HHIPL1: variants seen among roughly 807,000 people sequenced by gnomAD.
The protein encoded by HHIPL1 is HHIP-like protein 1.
A neutral mutation model predicts 61.8 loss-of-function variants in HHIPL1; 43 were observed. That is an observed-to-expected ratio of 0.70 (90% CI 0.55 to 0.90). The LOEUF (loss-of-function observed/expected upper bound fraction) is 0.90. Among genes scored for constraint, HHIPL1 ranks in the 40% least tolerant of loss-of-function variants. The pLI, the probability that HHIPL1 is intolerant of heterozygous loss-of-function variation, is 0.00. For synonymous variants in HHIPL1, 482 were observed against 515.8 expected (o/e 0.93, Z 0.89); for missense variants, 1,056 against 1,157.7 (o/e 0.91, Z 1.28).
At chr14:99,634,356 G>A in the HHIPL1 span, among the ~76,000 whole-genome samples, 4 of 152,132 alleles carry the variant, frequency 2.6e-5, no homozygotes, top group South Asian at 2.1e-4. Flanking sequence ...CCCCCGTGAC[G>A]GCTCTCATTT....
the HHIPL1 span, among the ~76,000 whole-genome samples, chr14:99,608,346 G>A: frequency 6.4e-4 from 98 of 152,196 alleles, no homozygotes; most frequent in African/African-American, 2.3e-3. Flanking sequence ...CCTAGACTCA[G>A]TATATGCCAA....
the HHIPL1 span, among the ~76,000 whole-genome samples, chr14:99,616,010 A>C: frequency 6.6e-6 from 1 of 152,352 alleles, no homozygotes; most frequent in East Asian, 1.9e-4. Context: ...AAGGAAATCC[A>C]ATCAGGCCAT....
intron 2 of HHIPL1, among the ~76,000 whole-genome samples, 160 bp from the exon 3 acceptor site, chr14:99,656,840 G>A (rs59236290): frequency 0.025 from 54 of 2,178 alleles, 4 homozygotes; most frequent in South Asian, 0.05. Context: ...AGAAAGAAAG[G>A]AAGGAAGGAA....
At chr14:99,659,145 A>T (rs1185747589) in intron 3 of HHIPL1, among the ~76,000 whole-genome samples, 1 of 152,180 alleles carries the variant, frequency 6.6e-6, no homozygotes, top group Non-Finnish European at 1.5e-5. Context: ...CACCTACCTA[A>T]ACGACTGTTG....
In HHIPL1 at chr14:99,675,576, C is replaced by T; in HGVS notation, c.2299C>T (p.His767Tyr). The T allele has an allele frequency of 2.0e-6, 3 of 1,535,834 alleles. No individual in the cohort carries two copies. Among genetic ancestry groups the T allele is most frequent in the Non-Finnish European group, 2.6e-6 (3 of 1,144,898 alleles). Residue 767 changes from histidine (H) to tyrosine (Y), a missense_variant, in exon 9 of 9, where the codon CAC (histidine) becomes TAC (tyrosine). Coordinates refer to ENST00000330710, the MANE Select transcript of HHIPL1 (RefSeq NM_001127258.3). The surrounding 1 kb of genome is among the most constrained non-coding windows in gnomAD (Gnocchi z 5.4). ...HNGVGTHNCE[H>Y]DEDAGVVCSH... is the part of the protein sequence containing the mutation. ...CGGCGTGGGCACCCACAACTGCGAG[C>T]ACGACGAGGATGCGGGCGTCGTGTG...
Position 99,652,335 on chromosome 14 carries a change from C to CG in HHIPL1, c.372dup (p.Leu125AlafsTer8), listed in dbSNP as rs1566807480. ...CTGCCTGGACATGTGGCATAAGTGCCGGGGGCTGTTCCGTCACCTGTCAAC... is the reference window on the plus strand; with the variant it reads ...CTGCCTGGACATGTGGCATAAGTGCCGGGGGGCTGTTCCGTCACCTGTCAAC... On this transcript the variant is annotated frameshift_variant, in exon 2 of 9. Transcript: ENST00000330710. LOFTEE classifies it high-confidence loss of function. 3 of 1,614,028 alleles carry CG rather than the reference C, an allele frequency of 1.9e-6. No individual in the cohort carries two copies. In the African/African-American group the frequency reaches 4.0e-5, roughly 22 times the overall value.
At chr14:99,623,704 A>G in the HHIPL1 span, among the ~76,000 whole-genome samples, 1 of 152,092 alleles carries the variant, frequency 6.6e-6, no homozygotes, top group Non-Finnish European at 1.5e-5. Flanking sequence ...GTGAACCACC[A>G]CACCTGGTCC....
Position 99,675,299 on chromosome 14 carries a change from C to A in HHIPL1, c.2022C>A (p.Arg674=). The A allele has an allele frequency of 7.6e-7, 1 of 1,314,172 alleles. No homozygotes were observed. Among genetic ancestry groups the A allele is most frequent in the Non-Finnish European group, 9.7e-7 (1 of 1,032,494 alleles). 81.4% of individuals were successfully genotyped at this position (1,314,172 alleles called of 1,614,324 possible). A position where few individuals can be genotyped will look rare whatever the true frequency, so the allele number is the denominator to read the frequency against. ...GGGCGTTCCGGGATGGCGAGGTGCG[C>A]CTGGTGCGGCCCGCGGGCCTGAGCT... is the stretch of plus-strand genomic sequence containing the variant. The part of the protein sequence containing the change: ...ASRAFRDGEV[R]LVRPAGLSSG... The change falls in exon 9 of 9, where the codon CGC becomes CGA. Residue 674 remains arginine, a synonymous_variant. Coordinates refer to ENST00000330710, the MANE Select transcript of HHIPL1 (RefSeq NM_001127258.3). This position sits in a 1 kb window ranked among gnomAD's most constrained non-coding sequence, Gnocchi z 5.4.
At chr14:99,610,922 G>C in the HHIPL1 span, among the ~76,000 whole-genome samples, 1 of 152,168 alleles carries the variant, frequency 6.6e-6, no homozygotes, top group African/African-American at 2.4e-5. Context: ...ACCTCAGCGT[G>C]GTTGTGAGGG....
the HHIPL1 span, among the ~76,000 whole-genome samples, chr14:99,630,613 C>T: frequency 0.015 from 2,250 of 152,226 alleles, 62 homozygotes; most frequent in African/African-American, 0.052. Context: ...CAAGAGGTGA[C>T]GGAGGGGAAG....
chr14:99,613,027 G>A, the HHIPL1 span, among the ~76,000 whole-genome samples: 2 of 152,152 alleles, frequency 1.3e-5, no homozygotes, highest in South Asian at 4.1e-4. Flanking sequence ...TTGTTAATGT[G>A]GCTTCTGCTG....
At chr14:99,634,592 CAG>C in the HHIPL1 span, among the ~76,000 whole-genome samples, 1 of 152,314 alleles carries the variant, frequency 6.6e-6, no homozygotes, top group Admixed American at 6.5e-5. Context: ...TTTTACAGGA[CAG>C]AGCATGGGAA....
chr14:99,643,489 T>C (rs947587922), upstream of HHIPL1, among the ~76,000 whole-genome samples: 4 of 152,318 alleles, frequency 2.6e-5, no homozygotes, highest in South Asian at 8.3e-4. Flanking sequence ...TGTTTGACAT[T>C]TTCTGTGGCT....
the HHIPL1 span, among the ~76,000 whole-genome samples, chr14:99,630,453 GC>G: frequency 6.6e-6 from 1 of 152,184 alleles, no homozygotes; most frequent in African/African-American, 2.4e-5. Context: ...ATCTGACTGG[GC>G]CTCAGCCAGC....
At chr14:99,649,495 T>A (rs1451159217) in intron 1 of HHIPL1, among the ~76,000 whole-genome samples, 1 of 152,118 alleles carries the variant, frequency 6.6e-6, no homozygotes, top group African/African-American at 2.4e-5. Flanking sequence ...TCCTCATCTA[T>A]AAAATAGGAG....
chr14:99,665,783 T>G (rs968320790), intron 6 of HHIPL1, among the ~76,000 whole-genome samples: 2 of 152,046 alleles, frequency 1.3e-5, no homozygotes, highest in African/African-American at 4.8e-5. Context: ...GGATTTTTGT[T>G]TTTGTTTGTT....
chr14:99,654,412 C>T (rs2055994591), intron 2 of HHIPL1, among the ~76,000 whole-genome samples: 1 of 152,082 alleles, frequency 6.6e-6, no homozygotes, highest in African/African-American at 2.4e-5. Context: ...CAGCTGTTGC[C>T]AAGAAGCTGC....
rs1218051744 is a variant in HHIPL1, at chr14:99,660,003, T to C, written c.1375+247T>C. Among the ~76,000 whole-genome samples, 1 of 146,740 alleles carries C rather than the reference T, an allele frequency of 6.8e-6. No homozygotes were observed. Among genetic ancestry groups the C allele is most frequent in the Non-Finnish European group, 1.5e-5 (1 of 66,768 alleles). The stretch of plus-strand genomic sequence containing the variant: ...ACTCCACGGGCTGTGAGCCAAAGCC[T>C]CCTTCGGTGACTGCCCCCGCCTCCA... On this transcript the variant is annotated intron_variant, in intron 4 of 8. Transcript: ENST00000330710. This position sits in a 1 kb window ranked among gnomAD's most constrained non-coding sequence, Gnocchi z 4.9.
Position 99,645,218 on chromosome 14 carries a change from C to T in HHIPL1, c.11C>T (p.Ala4Val), listed in dbSNP as rs568059468. 6 of 1,308,160 alleles carry T rather than the reference C, an allele frequency of 4.6e-6. No individual in the cohort carries two copies. The East Asian group carries it at 1.6e-4, about 34-fold the overall frequency. The allele number at this position is 1,308,160 out of a possible 1,614,324, so 81.0% of individuals were successfully genotyped here. Residue 4 changes from alanine (A) to valine (V), a missense_variant, in exon 1 of 9, where the codon GCC (alanine) becomes GTC (valine). Transcript: ENST00000330710. Reference sequence around the variant, plus strand: ...CCGCGGGGCGTAGCGATGGCCCGGGCCAGGGCCGGGGCGCTGCTGGCGCTT... The same window carrying T: ...CCGCGGGGCGTAGCGATGGCCCGGGTCAGGGCCGGGGCGCTGCTGGCGCTT... MAR[A>V]RAGALLALWV... is the part of the protein sequence containing the mutation.
Sources: gnomAD v4.1 joint callset for allele counts (sites outside exome capture counted in the v4.1 genomes callset) on GRCh38, gnomAD v4.1.1 for gene constraint, Gnocchi (gnomAD v3.1) non-coding constraint, MANE v1.5 for transcripts, NCBI Gene and HGNC (gene_info 2026-07-23, HGNC 2026-07-21) for gene names.